The following IPP variants were observed in gnomAD, a reference collection of about 807,000 sequenced individuals.
The protein encoded by IPP is actin-binding protein IPP.
Under a neutral mutation model 64.1 loss-of-function variants are expected in IPP, and 41 were observed. That is an observed-to-expected ratio of 0.64 (90% confidence interval 0.50 to 0.83). IPP has a LOEUF of 0.83. Among genes scored for constraint, IPP ranks in the 40% least tolerant of loss-of-function variants. The probability of loss-of-function intolerance (pLI) is 0.00; values close to 1 mark genes in which losing one functional copy is unlikely to be tolerated. For synonymous variants in IPP, 214 were observed against 235.2 expected, an observed-to-expected ratio of 0.91 and a Z score of 0.83; for missense variants, 649 against 703.0, an observed-to-expected ratio of 0.92 and a Z score of 0.87.
chr1:45,701,201 A>C (rs1160632515), intron 8 of IPP, among the ~76,000 whole-genome samples: 1 of 152,272 alleles, frequency 6.6e-6, no homozygotes, highest in Non-Finnish European at 1.5e-5. Flanking sequence ...TTTTACACAA[A>C]AAGTTTGCTA....
rs767412927 is a variant in IPP at position 45,746,164 on chromosome 1, A to T, written c.248T>A (p.Ile83Asn). Residue 83 changes from isoleucine to asparagine, a missense_variant, in exon 2 of 9, where the codon ATT becomes AAT. Ile to Asn is a moderately radical substitution (Grantham distance 149). Coordinates refer to ENST00000396478, the MANE Select transcript of IPP (RefSeq NM_005897.3). ...AAGTATCTGAAAGATTCCTGCTTCA[A>T]TTCCTAGAATCGGTACAACATCTTT... ...SSKDVVPILG[I>N]EAGIFQILLD... The T allele has an allele frequency of 6.2e-7, 1 of 1,614,090 alleles. No individual in the cohort carries two copies. The highest frequency in any genetic ancestry group is 8.5e-7 in the Non-Finnish European group (1 of 1,179,918).
chr1:45,721,797 A>C (rs28406914), intron 5 of IPP, among the ~76,000 whole-genome samples: 43,367 of 152,176 alleles, frequency 0.28, 6,325 homozygotes, highest in South Asian at 0.37. Flanking sequence ...CGTGGTGGCT[A>C]ACGCCTGTAA....
downstream of IPP, chr1:45,694,692 G>A (rs1273549562): frequency 6.4e-5 from 34 of 530,174 alleles, no homozygotes; most frequent in Non-Finnish European, 1.0e-5. Flanking sequence ...AGTTGGACAT[G>A]TTTTCCAGTT....
At chr1:45,728,096 C>T (rs542859888) in intron 4 of IPP, among the ~76,000 whole-genome samples, 1 of 149,350 alleles carries the variant, frequency 6.7e-6, no homozygotes, top group Non-Finnish European at 1.5e-5. Context: ...TCATTAATGT[C>T]TTTTTCAATT....
rs890513342 is a variant in IPP, at chr1:45,736,919, C to T, written c.724+3982G>A. Among the ~76,000 whole-genome samples the T allele has an allele frequency of 5.9e-5, 9 of 151,390 alleles. No homozygotes were observed. In the South Asian group the frequency reaches 1.3e-3, roughly 21 times the overall value. ...TTAGCCGGGCGTGGTGGCGGGCGCC[C>T]GTAGTCCCAGCTACACGGAAGGCTG... On this transcript the variant is annotated intron_variant, in intron 3 of 8. Coordinates refer to ENST00000396478, the MANE Select transcript of IPP (RefSeq NM_005897.3).
intron 1 of IPP, among the ~76,000 whole-genome samples, chr1:45,750,131 C>T (rs377079296): frequency 7.9e-5 from 12 of 152,182 alleles, no homozygotes; most frequent in Admixed American, 6.5e-4. Context: ...GCTTTGAATT[C>T]ACTGCTGGGA....
At chr1:45,725,251 G>A (rs1645803397) in intron 5 of IPP, among the ~76,000 whole-genome samples, 1 of 140,500 alleles carries the variant, frequency 7.1e-6, no homozygotes, top group South Asian at 2.3e-4. Flanking sequence ...CCCCGTCCGG[G>A]AGGTGAGGGG....
At chr1:45,718,757 A>G (rs1645693058) in intron 6 of IPP, among the ~76,000 whole-genome samples, 1 of 152,162 alleles carries the variant, frequency 6.6e-6, no homozygotes, top group African/African-American at 2.4e-5. Context: ...CTTTATAAAC[A>G]TTGCATATTC....
At chr1:45,716,206 G>GA (rs536350755) in intron 7 of IPP, among the ~76,000 whole-genome samples, 2 of 151,636 alleles carry the variant, frequency 1.3e-5, no homozygotes, top group East Asian at 1.9e-4. Context: ...GTACTTTGTA[G>GA]AAAAAAAACG....
chr1:45,746,593 C>T (rs1375679881), intron 1 of IPP, 132 bp from the exon 2 acceptor site: 3 of 521,602 alleles, frequency 5.8e-6, no homozygotes, highest in Non-Finnish European at 1.0e-5. Context: ...AAGTGTGGTA[C>T]TATTACTATT....
intron 4 of IPP, among the ~76,000 whole-genome samples, chr1:45,728,705 A>G (rs1003103454): frequency 2.6e-5 from 4 of 152,124 alleles, no homozygotes; most frequent in African/African-American, 9.7e-5. Flanking sequence ...CATGTTGCCT[A>G]GACTGGTCTT....
intron 5 of IPP, among the ~76,000 whole-genome samples, chr1:45,726,937 G>T (rs1337844468): frequency 6.6e-6 from 1 of 152,004 alleles, no homozygotes; most frequent in Non-Finnish European, 1.5e-5. Flanking sequence ...TGTTGGCCAG[G>T]CTGGTCTTGA....
chr1:45,747,847 A>C (rs1241739300), intron 1 of IPP, among the ~76,000 whole-genome samples: 1 of 146,814 alleles, frequency 6.8e-6, no homozygotes, highest in African/African-American at 2.6e-5. Flanking sequence ...AAAAAAAAAA[A>C]AAAAAAAAAA....
Position 45,729,622 on chromosome 1 carries a change from T to G in IPP, c.872A>C (p.Tyr291Ser). ...RPRKKARKYL[Y>S]AVGGYTRLQG... Reference sequence around the variant, plus strand: ...TTTAAGGGCTCTCTCACCTACTGCATACAGGTACTTTCTTGCTTTCTTCCG... The same window carrying G: ...TTTAAGGGCTCTCTCACCTACTGCAGACAGGTACTTTCTTGCTTTCTTCCG... Residue 291 changes from tyrosine (Y) to serine (S), a missense_variant, in exon 4 of 9, where the codon TAT becomes TCT. By Grantham distance (144) the Tyr-to-Ser change is moderately radical. Coordinates refer to ENST00000396478, the MANE Select transcript of IPP (RefSeq NM_005897.3). 6.2e-7 allele frequency: 1 copy of G among 1,611,042 alleles called. No homozygotes were observed. Among genetic ancestry groups the G allele is most frequent in the Non-Finnish European group, 8.5e-7 (1 of 1,178,542 alleles).
intron 5 of IPP, among the ~76,000 whole-genome samples, chr1:45,726,424 CCATTGCA>C (rs1244668821): frequency 6.6e-6 from 1 of 152,014 alleles, no homozygotes; most frequent in Non-Finnish European, 1.5e-5. Flanking sequence ...CCAGATCATG[CCATTGCA>C]CTCCAGCCTG....
intron 1 of IPP, 71 bp downstream of exon 1, chr1:45,750,526 A>T (rs1646208168): frequency 6.6e-6 from 1 of 152,308 alleles, no homozygotes; most frequent in Non-Finnish European, 1.5e-5. Context: ...AGGGGTCCGG[A>T]AAGCCGGAGG....
chr1:45,725,502 C>T (rs567776298), intron 5 of IPP, among the ~76,000 whole-genome samples: 2 of 139,426 alleles, frequency 1.4e-5, no homozygotes, highest in South Asian at 2.5e-4. Context: ...CCGCCCCATC[C>T]GGGAGGTGAG....
chr1:45,729,143 CA>C (rs200570703), intron 4 of IPP, among the ~76,000 whole-genome samples: 432 of 112,738 alleles, frequency 3.8e-3, no homozygotes, highest in Non-Finnish European at 4.9e-3. Context: ...AAGACTACCT[CA>C]AAAAAAAAAA....
At chr1:45,700,693 T>C (rs1003734423) in intron 8 of IPP, among the ~76,000 whole-genome samples, 8 of 152,304 alleles carry the variant, frequency 5.3e-5, no homozygotes, top group African/African-American at 1.7e-4. Context: ...TTTAGAGGAA[T>C]ATAATTTTTT....
Sources: allele counts gnomAD v4.1 joint callset (sites outside exome capture counted in the v4.1 genomes callset), GRCh38; gene constraint gnomAD v4.1.1; transcripts MANE v1.5; gene names NCBI Gene and HGNC (gene_info 2026-07-23, HGNC 2026-07-21).